The following SLC25A26 variants were observed in gnomAD, a reference collection of about 807,000 sequenced individuals.
SLC25A26 encodes mitochondrial S-adenosylmethionine carrier protein.
Under a neutral mutation model 37.8 loss-of-function variants are expected in SLC25A26, and 36 were observed. The ratio of observed to expected loss-of-function variants is 0.95; its 90% CI spans 0.73 to 1.26. SLC25A26 has a LOEUF of 1.26. SLC25A26 is among the 50% of genes most tolerant of loss of function. SLC25A26 has a pLI of 0.00. For missense variants in SLC25A26, 390 were observed against 331.1 expected (o/e 1.18, Z -1.38); for synonymous variants, 129 against 122.5 (o/e 1.05, Z -0.35).
At position 66,301,085 on chromosome 3, in the gene SLC25A26, T is replaced by C. The variant is rs745891440; in HGVS notation, c.453+37706T>C. Among the ~76,000 whole-genome samples, 3 of 152,244 alleles carry C rather than the reference T, an allele frequency of 2.0e-5. No homozygotes were observed. The South Asian group carries it at 6.2e-4, about 32-fold the overall frequency. On this transcript the variant is annotated intron_variant, in intron 5 of 9. Transcript: ENST00000354883. Reference sequence around the variant, plus strand: ...TGATAGAACTCATTGTGTCCTCAAATAATTGGATTCTGAAATGGAAGATAG... The same window carrying C: ...TGATAGAACTCATTGTGTCCTCAAACAATTGGATTCTGAAATGGAAGATAG...
At chr3:66,179,707 T>C (rs1340826428) in intron 1 of SLC25A26, among the ~76,000 whole-genome samples, 1 of 152,192 alleles carries the variant, frequency 6.6e-6, no homozygotes, top group Non-Finnish European at 1.5e-5. Flanking sequence ...TAAGAACTTC[T>C]TGTTACTGGG....
intron 5 of SLC25A26, among the ~76,000 whole-genome samples, chr3:66,302,458 C>G (rs2075103747): frequency 6.6e-6 from 1 of 150,680 alleles, no homozygotes; most frequent in African/African-American, 2.5e-5. Flanking sequence ...CATCAGAGTC[C>G]CTGCCACTTC....
chr3:66,274,582 T>G (rs1181011457), intron 5 of SLC25A26, among the ~76,000 whole-genome samples: 3 of 152,174 alleles, frequency 2.0e-5, no homozygotes, highest in Admixed American at 2.0e-4. Context: ...CATCAAAAAG[T>G]AGGCAAAGGA....
At chr3:66,336,333 T>G (rs2076092310) in intron 5 of SLC25A26, among the ~76,000 whole-genome samples, 1 of 152,184 alleles carries the variant, frequency 6.6e-6, no homozygotes, top group African/African-American at 2.4e-5. Context: ...CCCCTCTTTG[T>G]TATCTCAGTA....
intron 5 of SLC25A26, among the ~76,000 whole-genome samples, chr3:66,270,122 A>G (rs2073906626): frequency 6.6e-6 from 1 of 152,182 alleles, no homozygotes; most frequent in East Asian, 1.9e-4. Flanking sequence ...TTGATATACT[A>G]CATTACTATG....
At chr3:66,252,173 A>G (rs2073110225) in intron 3 of SLC25A26, among the ~76,000 whole-genome samples, 1 of 152,260 alleles carries the variant, frequency 6.6e-6, no homozygotes, top group African/African-American at 2.4e-5. Flanking sequence ...GAACTCTGTC[A>G]GTGACAAACC....
chr3:66,279,637 C>T (rs950626176), intron 5 of SLC25A26, among the ~76,000 whole-genome samples: 2 of 152,040 alleles, frequency 1.3e-5, no homozygotes, highest in African/African-American at 2.4e-5. Flanking sequence ...ATGTGTTTCA[C>T]TGGTTTGTTT....
At chr3:66,175,083 T>TTATATG (rs1485091511) in intron 1 of SLC25A26, among the ~76,000 whole-genome samples, 1 of 133,758 alleles carries the variant, frequency 7.5e-6, no homozygotes, top group South Asian at 2.4e-4. Flanking sequence ...CAACAGGACA[T>TTATATG]TATATGTATA....
chr3:66,374,287 AT>A (rs1434469254), intron 9 of SLC25A26, among the ~76,000 whole-genome samples: 1 of 152,154 alleles, frequency 6.6e-6, no homozygotes, highest in Admixed American at 6.5e-5. Flanking sequence ...TCTGTGTCAC[AT>A]TTTGGTAATT....
chr3:66,155,717 A>G (rs1297417202), intron 1 of SLC25A26, among the ~76,000 whole-genome samples: 1 of 152,226 alleles, frequency 6.6e-6, no homozygotes, highest in Non-Finnish European at 1.5e-5. Flanking sequence ...CCAGGTCTCC[A>G]GGGACTAGGT....
intron 6 of SLC25A26, among the ~76,000 whole-genome samples, chr3:66,356,326 G>C (rs746042092): frequency 6.6e-6 from 1 of 152,074 alleles, no homozygotes; most frequent in Admixed American, 6.6e-5. Context: ...GGTGGGGGTC[G>C]GGGAGCCAAA....
rs139635831 is a variant in SLC25A26, at chr3:66,156,328, T to G, written c.-354+22344T>G. Among the ~76,000 whole-genome samples, 892 of 152,306 alleles carry G rather than the reference T, an allele frequency of 5.9e-3. 9 individuals carry two copies. The highest frequency in any genetic ancestry group is 0.02 in the African/African-American group (846 of 41,538). On this transcript the variant is annotated intron_variant, in intron 1 of 10. Coordinates refer to the SLC25A26 transcript ENST00000676754. Reference sequence around the variant, plus strand: ...CAAGGATCCTGCCCTCCTGGAGCCCTTATTCTACAATGCAAACAAGTCAAC... The same window carrying G: ...CAAGGATCCTGCCCTCCTGGAGCCCGTATTCTACAATGCAAACAAGTCAAC...
At chr3:66,324,830 T>C (rs1336468944) in intron 5 of SLC25A26, among the ~76,000 whole-genome samples, 1 of 152,146 alleles carries the variant, frequency 6.6e-6, no homozygotes, top group African/African-American at 2.4e-5. Context: ...CCTTATATTC[T>C]CTGTCTTTTG....
At chr3:66,184,018 A>G (rs1244233562) in intron 1 of SLC25A26, among the ~76,000 whole-genome samples, 1 of 151,714 alleles carries the variant, frequency 6.6e-6, no homozygotes, top group Non-Finnish European at 1.5e-5. Flanking sequence ...TTTCACACTC[A>G]CCTTGAACCT....
intron 7 of SLC25A26, among the ~76,000 whole-genome samples, chr3:66,363,264 G>C (rs1409949377): frequency 1.3e-5 from 2 of 152,200 alleles, no homozygotes; most frequent in African/African-American, 2.4e-5. Context: ...GGCTCACCAT[G>C]CAGCTGTCTG....
chr3:66,265,947 A>G (rs2073730117), intron 5 of SLC25A26, among the ~76,000 whole-genome samples: 1 of 152,258 alleles, frequency 6.6e-6, no homozygotes, highest in Admixed American at 6.5e-5. Flanking sequence ...GAATATTTAC[A>G]TGCCGGAGAA....
chr3:66,150,600 TGAGATA>T (rs2070188755), intron 1 of SLC25A26, among the ~76,000 whole-genome samples: 1 of 39,710 alleles, frequency 2.5e-5, no homozygotes, highest in African/African-American at 9.0e-5. Flanking sequence ...ATATATGTAA[TGAGATA>T]TATATATATA....
chr3:66,143,178 T>A (rs990443451), intron 1 of SLC25A26, among the ~76,000 whole-genome samples: 2 of 151,994 alleles, frequency 1.3e-5, no homozygotes, highest in Admixed American at 6.6e-5. Flanking sequence ...AAAAAAAAAA[T>A]TGCCATTATC....
chr3:66,346,835 G>A (rs2076337124), intron 6 of SLC25A26, among the ~76,000 whole-genome samples: 1 of 151,632 alleles, frequency 6.6e-6, no homozygotes, highest in Admixed American at 6.6e-5. Context: ...TGAAGACTGA[G>A]AAGGACCAGC....
Sources: gnomAD v4.1 joint callset for allele counts (sites outside exome capture counted in the v4.1 genomes callset) on GRCh38, gnomAD v4.1.1 for gene constraint, MANE v1.5 for transcripts, NCBI Gene and HGNC (gene_info 2026-07-23, HGNC 2026-07-21) for gene names.